The following ARHGEF38 variants were observed in gnomAD, a reference collection of about 807,000 sequenced individuals.
ARHGEF38 encodes Rho guanine nucleotide exchange factor (GEF) 38.
Under a neutral mutation model 79.9 loss-of-function variants are expected in ARHGEF38, and 79 were observed. The observed-to-expected ratio is 0.99, with a 90% CI of 0.82 to 1.19. The LOEUF (loss-of-function observed/expected upper bound fraction) is 1.19. Among genes scored for constraint, ARHGEF38 ranks in the 50% most tolerant of loss-of-function variants. The probability of loss-of-function intolerance (pLI) is 0.00; values close to 1 mark genes in which losing one functional copy is unlikely to be tolerated. For synonymous variants in ARHGEF38, 366 were observed against 328.3 expected, an observed-to-expected ratio of 1.11 and a Z score of -1.24; for missense variants, 962 against 907.2, an observed-to-expected ratio of 1.06 and a Z score of -0.78.
intron 5 of ARHGEF38, among the ~76,000 whole-genome samples, chr4:105,637,840 C>A (rs972558933): frequency 6.6e-6 from 1 of 152,138 alleles, no homozygotes; most frequent in Non-Finnish European, 1.5e-5. Flanking sequence ...TGTATTGAAA[C>A]ACGCTTAAAA....
At chr4:105,574,743 GC>G (rs1282913037) in intron 1 of ARHGEF38, among the ~76,000 whole-genome samples, 1 of 151,822 alleles carries the variant, frequency 6.6e-6, no homozygotes, top group African/African-American at 2.4e-5. Flanking sequence ...TATTTCTATA[GC>G]TTTTGGGGTA....
Position 105,655,611 on chromosome 4 carries a change from G to T in ARHGEF38, c.1122G>T (p.Met374Ile), listed in dbSNP as rs6855526. 6.5e-7 allele frequency: 1 copy of T among 1,534,938 alleles called. No individual in the cohort carries two copies. Among genetic ancestry groups the T allele is most frequent in the Non-Finnish European group, 8.7e-7 (1 of 1,146,318 alleles). Residue 374 changes from methionine (M) to isoleucine (I), a missense_variant, in exon 9 of 14, where the codon ATG becomes ATT. Transcript: ENST00000420470. Reference sequence around the variant, plus strand: ...TTGTTCTTGGGTTTCAGGATGCCATGCCCCTGGCTCTGCAGAGTGTGATGG... The same window carrying T: ...TTGTTCTTGGGTTTCAGGATGCCATTCCCCTGGCTCTGCAGAGTGTGATGG... ...SLCLQHIQDA[M>I]PLALQSVMDL... is the part of the protein sequence containing the mutation.
chr4:105,602,416 G>T (rs2110477136), intron 2 of ARHGEF38, among the ~76,000 whole-genome samples: 1 of 152,234 alleles, frequency 6.6e-6, no homozygotes, highest in Non-Finnish European at 1.5e-5. Context: ...GTTTTAGGAA[G>T]ACTAATCTGA....
At chr4:105,581,318 A>G (rs1726780241) in intron 1 of ARHGEF38, among the ~76,000 whole-genome samples, 2 of 152,136 alleles carry the variant, frequency 1.3e-5, no homozygotes. Context: ...GAACTCAGGA[A>G]TAGCATCTTT....
intron 1 of ARHGEF38, among the ~76,000 whole-genome samples, chr4:105,571,896 A>G (rs1726253334): frequency 6.6e-6 from 1 of 152,204 alleles, no homozygotes; most frequent in African/African-American, 2.4e-5. Context: ...GATGCAGCAT[A>G]CATATGGTGC....
In ARHGEF38 at chr4:105,659,311, C is replaced by T. The variant is rs748404719; in HGVS notation, c.1491C>T (p.Thr497=). ...TGAACTGTCTATGCAGCTTCATTAC[C>T]CTCCTTAGGGACCTGATGCTCGTGG... ...ILLNCLCSFI[T]LLRDLMLVAQ... is the part of the protein sequence containing the mutation. Residue 497 remains threonine, a synonymous_variant, in exon 10 of 14, where the codon ACC becomes ACT. Transcript: ENST00000420470. 2.1e-5 allele frequency: 32 copies of T among 1,535,804 alleles called. No individual in the cohort carries two copies. The highest frequency in any genetic ancestry group is 2.8e-5 in the Non-Finnish European group (32 of 1,146,870).
chr4:105,666,714 G>T (rs533963929), intron 11 of ARHGEF38, among the ~76,000 whole-genome samples: 36 of 152,278 alleles, frequency 2.4e-4, no homozygotes, highest in African/African-American at 7.2e-4. Flanking sequence ...CTGAGGGGGG[G>T]AGTATAAGCG....
At position 105,590,747 on chromosome 4, in the gene ARHGEF38, A is replaced by G. The variant is rs74974541; in HGVS notation, c.384+1312A>G. Among the ~76,000 whole-genome samples the G allele has an allele frequency of 7.2e-3, 1,099 of 152,312 alleles. 18 individuals are homozygous for G. Among genetic ancestry groups the G allele is most frequent in the African/African-American group, 0.026 (1,065 of 41,580 alleles). ...AACTGCCAAACAGAAAGTCAATATG[A>G]TTTTAATATTCATTCCTATTAATAA... On this transcript the variant is annotated intron_variant, in intron 2 of 13. Transcript: ENST00000420470.
intron 2 of ARHGEF38, among the ~76,000 whole-genome samples, chr4:105,601,072 T>C (rs1237695283): frequency 1.3e-5 from 2 of 152,134 alleles, no homozygotes; most frequent in Non-Finnish European, 2.9e-5. Context: ...TCAGTCAAAT[T>C]ATGTCACTCT....
At chr4:105,623,905 GC>G (rs1383593851) in intron 3 of ARHGEF38, among the ~76,000 whole-genome samples, 1 of 152,088 alleles carries the variant, frequency 6.6e-6, no homozygotes, top group Non-Finnish European at 1.5e-5. Flanking sequence ...ACCTCCCATG[GC>G]CAGATGTACT....
intron 1 of ARHGEF38, among the ~76,000 whole-genome samples, chr4:105,564,471 G>A (rs1319957003): frequency 2.0e-5 from 3 of 152,156 alleles, no homozygotes; most frequent in Non-Finnish European, 4.4e-5. Flanking sequence ...AAGTAGAATG[G>A]TGGTTTCCAG....
At chr4:105,634,725 G>GT (rs71586106) in intron 4 of ARHGEF38, among the ~76,000 whole-genome samples, 58,035 of 151,958 alleles carry the variant, frequency 0.38, 16,385 homozygotes, top group African/African-American at 0.8. Flanking sequence ...GATTTTCTAA[G>GT]TTTTTGATGG....
At chr4:105,677,507 G>A (rs1302605133) in intron 13 of ARHGEF38, among the ~76,000 whole-genome samples, 1 of 152,114 alleles carries the variant, frequency 6.6e-6, no homozygotes, top group East Asian at 1.9e-4. Context: ...AATAGAAACT[G>A]CCAAGTTGCC....
chr4:105,615,182 T>C (rs1253173364), intron 3 of ARHGEF38, among the ~76,000 whole-genome samples: 1 of 152,088 alleles, frequency 6.6e-6, no homozygotes, highest in Non-Finnish European at 1.5e-5. Flanking sequence ...AAATGAGAAA[T>C]GAACCTGAAA....
chr4:105,659,536 C>T (rs896930642), intron 10 of ARHGEF38, among the ~76,000 whole-genome samples, 171 bp downstream of exon 10: 6 of 152,086 alleles, frequency 3.9e-5, no homozygotes, highest in African/African-American at 1.4e-4. Context: ...CTGTCTTATC[C>T]ATGGGAAACT....
At position 105,561,500 on chromosome 4, in the gene ARHGEF38, G is replaced by C. The variant is rs1016701392; in HGVS notation, c.196+8539G>C. The C allele has an allele frequency of 3.8e-4, 55 of 145,396 alleles. 6 individuals are homozygous for C. Among genetic ancestry groups the C allele is most frequent in the African/African-American group, 1.4e-3 (54 of 38,806 alleles). 9.0% of individuals were successfully genotyped at this position (145,396 alleles called of 1,614,324 possible). A position where few individuals can be genotyped will look rare whatever the true frequency, so the allele number is the denominator to read the frequency against. ...GAATAGAATAGAATAGAATAGAATA[G>C]AATAGAATAGAATAGAATAGAATAG... is the stretch of plus-strand genomic sequence containing the variant. On this transcript the variant is annotated intron_variant, in intron 1 of 13. Transcript: ENST00000420470.
At chr4:105,554,410 T>C (rs1248983836) in intron 1 of ARHGEF38, among the ~76,000 whole-genome samples, 1 of 152,128 alleles carries the variant, frequency 6.6e-6, no homozygotes, top group Admixed American at 6.6e-5. Flanking sequence ...TTTATGTCCA[T>C]GTATGTCTAA....
chr4:105,663,458 C>T (rs940596647), intron 10 of ARHGEF38, among the ~76,000 whole-genome samples: 1 of 152,020 alleles, frequency 6.6e-6, no homozygotes, highest in African/African-American at 2.4e-5. Context: ...TTAAACAAGT[C>T]CCCATACTCC....
chr4:105,589,297 A>G lies in ARHGEF38; in HGVS notation c.246A>G (p.Pro82=). The part of the protein sequence containing the change: ...GECSVAETLT[P]EEEHHMKRMM... ...GTTCTGTAGCTGAGACCTTAACCCC[A>G]GAGGAAGAGCATCATATGAAGAGGA... Residue 82 remains proline, a synonymous_variant, in exon 2 of 14, where the codon CCA becomes CCG. Transcript: ENST00000420470. 1.2e-6 allele frequency: 2 copies of G among 1,614,108 alleles called. No homozygotes were observed. Among genetic ancestry groups the G allele is most frequent in the Non-Finnish European group, 8.5e-7 (1 of 1,179,996 alleles).
Sources: gnomAD v4.1 joint callset for allele counts (sites outside exome capture counted in the v4.1 genomes callset) on GRCh38, gnomAD v4.1.1 for gene constraint, MANE v1.5 for transcripts, NCBI Gene and HGNC (gene_info 2026-07-23, HGNC 2026-07-21) for gene names.